CADPS2: variants seen among roughly 807,000 people sequenced by gnomAD.
The protein encoded by CADPS2 is calcium-dependent secretion activator 2.
In CADPS2, 93 loss-of-function variants were observed where a neutral mutation model predicts 172.5. That is an observed-to-expected ratio of 0.54 (90% confidence interval 0.46 to 0.64). CADPS2 has a LOEUF of 0.64. Among genes scored for constraint, CADPS2 ranks in the 30% least tolerant of loss-of-function variants. The pLI is 0.00. For synonymous variants in CADPS2, 546 were observed against 555.2 expected (o/e 0.98, Z 0.23); for missense variants, 1,420 against 1,565.9 (o/e 0.91, Z 1.57).
intron 15 of CADPS2, among the ~76,000 whole-genome samples, chr7:122,448,398 A>G (rs763969179): frequency 2.6e-5 from 4 of 152,188 alleles, no homozygotes; most frequent in Non-Finnish European, 4.4e-5. Flanking sequence ...GGATTATTAC[A>G]ATTCAAGGTA....
At chr7:122,592,020 C>T (rs1448202677) in intron 6 of CADPS2, among the ~76,000 whole-genome samples, 6 of 152,004 alleles carry the variant, frequency 3.9e-5, no homozygotes, top group African/African-American at 9.7e-5. Context: ...TTCTGCACAG[C>T]AAAAGAAACT....
intron 7 of CADPS2, 146 bp downstream of exon 7, chr7:122,581,033 G>A: frequency 5.1e-6 from 3 of 590,884 alleles, no homozygotes; most frequent in Admixed American, 3.1e-5. Flanking sequence ...AATTAGAGGT[G>A]TATACTGGGC....
intron 2 of CADPS2, among the ~76,000 whole-genome samples, chr7:122,721,640 A>C (rs2090417706): frequency 6.6e-6 from 1 of 152,142 alleles, no homozygotes; most frequent in Non-Finnish European, 1.5e-5. Context: ...TTCCTTCCGA[A>C]ACTATTCCAA....
At chr7:122,712,021 T>C (rs2088828460) in intron 2 of CADPS2, among the ~76,000 whole-genome samples, 1 of 152,100 alleles carries the variant, frequency 6.6e-6, no homozygotes, top group Non-Finnish European at 1.5e-5. Context: ...TGTACATTTT[T>C]AAATTTAAAA....
intron 8 of CADPS2, among the ~76,000 whole-genome samples, chr7:122,553,104 T>C (rs1405619418): frequency 1.3e-5 from 2 of 152,144 alleles, no homozygotes; most frequent in Non-Finnish European, 2.9e-5. Context: ...AGGTGTCCTG[T>C]GAGACTTTCA....
chr7:122,867,809 C>T (rs1247092021), intron 1 of CADPS2, among the ~76,000 whole-genome samples: 5 of 152,144 alleles, frequency 3.3e-5, no homozygotes, highest in Admixed American at 3.3e-4. Flanking sequence ...GATGGGAGGC[C>T]TCTGCCAACA....
chr7:122,490,697 T>C (rs1169416138), intron 10 of CADPS2, among the ~76,000 whole-genome samples: 1 of 139,726 alleles, frequency 7.2e-6, no homozygotes, highest in African/African-American at 2.7e-5. Context: ...ATTTTATCTT[T>C]TATAAAATTC....
At chr7:122,414,413 C>G (rs148978409) in intron 18 of CADPS2, among the ~76,000 whole-genome samples, 1 of 152,016 alleles carries the variant, frequency 6.6e-6, no homozygotes, top group African/African-American at 2.4e-5. Flanking sequence ...AATTGAATAT[C>G]CAATTATTAA....
chr7:122,437,562 A>G (rs2050787542), intron 17 of CADPS2, among the ~76,000 whole-genome samples: 1 of 152,028 alleles, frequency 6.6e-6, no homozygotes, highest in African/African-American at 2.4e-5. Flanking sequence ...TTATTTTCAG[A>G]TAAGTATTTA....
At chr7:122,419,101 T>C (rs1437050942) in intron 17 of CADPS2, among the ~76,000 whole-genome samples, 1 of 152,208 alleles carries the variant, frequency 6.6e-6, no homozygotes, top group African/African-American at 2.4e-5. Context: ...AGTCAGCAAC[T>C]GGGTCTCATT....
At chr7:122,711,167 C>G (rs2088648651) in intron 2 of CADPS2, among the ~76,000 whole-genome samples, 1 of 152,094 alleles carries the variant, frequency 6.6e-6, no homozygotes, top group Admixed American at 6.6e-5. Context: ...ATCTGTCTTA[C>G]ATTTTCTCTC....
chr7:122,808,240 GTGTGTTGT>G (rs5887116), intron 1 of CADPS2, among the ~76,000 whole-genome samples: 32,565 of 152,010 alleles, frequency 0.21, 3,709 homozygotes, highest in Middle Eastern at 0.31. Context: ...TAATGGTGCA[GTGTGTTGT>G]TAAACTGCTT....
chr7:122,789,520 T>G (rs1452927781), intron 1 of CADPS2, among the ~76,000 whole-genome samples: 1 of 152,204 alleles, frequency 6.6e-6, no homozygotes, highest in Non-Finnish European at 1.5e-5. Context: ...AGCATTACAC[T>G]CTAACCTCAA....
At chr7:122,503,193 G>A (rs1056686374) in intron 9 of CADPS2, among the ~76,000 whole-genome samples, 3 of 151,984 alleles carry the variant, frequency 2.0e-5, no homozygotes, top group East Asian at 3.9e-4. Context: ...CACCACACCT[G>A]GCTGGCTAAT....
intron 2 of CADPS2, among the ~76,000 whole-genome samples, chr7:122,734,760 G>A (rs188246679): frequency 2.0e-5 from 3 of 152,138 alleles, no homozygotes; most frequent in Non-Finnish European, 4.4e-5. Flanking sequence ...CATACCAAGT[G>A]TGTATTACCT....
At chr7:122,435,660 C>T (rs2050541268) in intron 17 of CADPS2, among the ~76,000 whole-genome samples, 1 of 152,098 alleles carries the variant, frequency 6.6e-6, no homozygotes. Flanking sequence ...TCAGCAATCT[C>T]ACTTCTGGGT....
chr7:122,585,703 T>G (rs545161946), intron 6 of CADPS2: 1 of 152,124 alleles, frequency 6.6e-6, no homozygotes, highest in Non-Finnish European at 1.5e-5. Context: ...GTATTATTTA[T>G]GAGGATTCAG....
chr7:122,591,660 C>CAG (rs1475419545), intron 6 of CADPS2, among the ~76,000 whole-genome samples: 1 of 152,032 alleles, frequency 6.6e-6, no homozygotes, highest in Non-Finnish European at 1.5e-5. Context: ...TGGAACAGAA[C>CAG]AGAACCCTCA....
intron 15 of CADPS2, among the ~76,000 whole-genome samples, chr7:122,448,116 G>GTTT (rs2052546203): frequency 6.6e-6 from 1 of 151,940 alleles, no homozygotes; most frequent in Admixed American, 6.6e-5. Context: ...ATCTTTTAAA[G>GTTT]TTTTGTTCAC....
Sources: gnomAD v4.1 joint callset for allele counts (sites outside exome capture counted in the v4.1 genomes callset) on GRCh38, gnomAD v4.1.1 for gene constraint, MANE v1.5 for transcripts, NCBI Gene and HGNC (gene_info 2026-07-23, HGNC 2026-07-21) for gene names.